The following ACSF2 variants were observed in gnomAD, a reference collection of about 807,000 sequenced individuals.
ACSF2 encodes the protein acyl-CoA synthetase family member 2.
ACSF2 carries 52 observed loss-of-function variants against 79.3 expected under a neutral mutation model. The ratio of observed to expected loss-of-function variants is 0.66; its 90% CI spans 0.53 to 0.83. The LOEUF (loss-of-function observed/expected upper bound fraction) is 0.83. Ranked by LOEUF, ACSF2 falls within the 40% of genes least tolerant of loss-of-function variation. The pLI is 0.00. For synonymous variants in ACSF2, 283 were observed against 312.6 expected, an observed-to-expected ratio of 0.91 and a Z score of 1.00; for missense variants, 661 against 803.3, an observed-to-expected ratio of 0.82 and a Z score of 2.14.
Position 50,474,351 on chromosome 17 carries a change from G to A in ACSF2, c.1797+84G>A, listed in dbSNP as rs1393423816. 6.5e-7 allele frequency: 1 copy of A among 1,548,308 alleles called. No individual in the cohort carries two copies. Among genetic ancestry groups the A allele is most frequent in the Non-Finnish European group, 8.9e-7 (1 of 1,122,644 alleles). On this transcript the variant is annotated intron_variant, in intron 15 of 15. Coordinates refer to ENST00000300441, the MANE Select transcript of ACSF2 (RefSeq NM_025149.6). This position sits in a 1 kb window ranked among gnomAD's most constrained non-coding sequence, Gnocchi z 4.2. Reference sequence around the variant, plus strand: ...CCACCTCTGTTTCCTTCAGCAATGGGTGTGGAGAGACTGGCAGTAGGGTGA... The same window carrying A: ...CCACCTCTGTTTCCTTCAGCAATGGATGTGGAGAGACTGGCAGTAGGGTGA...
At chr17:50,448,165 T>TC (rs372937179) in intron 1 of ACSF2, among the ~76,000 whole-genome samples, 94 of 152,372 alleles carry the variant, frequency 6.2e-4, no homozygotes, top group African/African-American at 2.1e-3. Flanking sequence ...GAGCCTGTGC[T>TC]CCCAGGCTGC....
intron 1 of ACSF2, among the ~76,000 whole-genome samples, chr17:50,443,071 G>T (rs1248364236): frequency 4.6e-5 from 7 of 151,900 alleles, no homozygotes; most frequent in Admixed American, 4.6e-4. Context: ...CACCATGCCC[G>T]GCTAATTTTT....
rs772356429 is a variant in ACSF2, at chr17:50,463,214, C to T, written c.851C>T (p.Ser284Phe). The T allele has an allele frequency of 6.2e-7, 1 of 1,614,126 alleles. No homozygotes were observed. ...TLSHYNIVNN[S>F]NILGERLKLH... Reference sequence around the variant, plus strand: ...TCCCACTACAACATTGTCAACAACTCCAACATTTTAGGAGAGCGCCTGAAA... The same window carrying T: ...TCCCACTACAACATTGTCAACAACTTCAACATTTTAGGAGAGCGCCTGAAA... The change falls in exon 7 of 16, where the codon TCC (serine) becomes TTC (phenylalanine). Residue 284 changes from serine (S) to phenylalanine (F), a missense_variant. Ser to Phe is a radical substitution (Grantham distance 155). Transcript: ENST00000300441. The surrounding 1 kb of genome is among the most constrained non-coding windows in gnomAD (Gnocchi z 4.6).
chr17:50,428,574 C>T (rs1488903017), intron 1 of ACSF2, among the ~76,000 whole-genome samples: 1 of 151,496 alleles, frequency 6.6e-6, no homozygotes, highest in Admixed American at 6.6e-5. Flanking sequence ...CACTTGAGGT[C>T]AGGAGTTAGA....
intron 1 of ACSF2, among the ~76,000 whole-genome samples, chr17:50,454,481 C>G (rs2031871992): frequency 6.6e-6 from 1 of 152,152 alleles, no homozygotes; most frequent in Non-Finnish European, 1.5e-5. Flanking sequence ...CGTCAGGCTC[C>G]TCTCTTGTTG....
At chr17:50,430,094 G>A (rs1378811997) in intron 1 of ACSF2, among the ~76,000 whole-genome samples, 1 of 152,200 alleles carries the variant, frequency 6.6e-6, no homozygotes, top group Non-Finnish European at 1.5e-5. Flanking sequence ...AGAGAGATCA[G>A]TGGCTAAAGC....
rs201338842 is a variant in ACSF2 at position 50,471,069 on chromosome 17, G to A, written c.1257G>A (p.Ala419=). The change falls in exon 11 of 16, where the codon GCG becomes GCA. Residue 419 remains alanine (A), a synonymous_variant. Transcript: ENST00000300441. The surrounding 1 kb of genome is among the most constrained non-coding windows in gnomAD (Gnocchi z 4.1). ...GTTENSPVTF[A]HFPEDTVEQK... ...CAGAGAACAGTCCCGTGACATTCGCGCACTTCCCTGAGGACACTGTGGAGC... is the reference window on the plus strand; with the variant it reads ...CAGAGAACAGTCCCGTGACATTCGCACACTTCCCTGAGGACACTGTGGAGC... 2.7e-5 allele frequency: 43 copies of A among 1,613,962 alleles called. No individual in the cohort carries two copies. Among genetic ancestry groups the A allele is most frequent in the Admixed American group, 1.2e-4 (7 of 60,000 alleles).
chr17:50,435,760 TAAGTCTAGTTTATA>T (rs1230066097), intron 1 of ACSF2, among the ~76,000 whole-genome samples: 1 of 152,032 alleles, frequency 6.6e-6, no homozygotes, highest in Non-Finnish European at 1.5e-5. Flanking sequence ...TCTAATTTAT[TAAGTCTAGTTTATA>T]AAGTCTAGTT....
chr17:50,451,516 G>A (rs563761484), intron 1 of ACSF2, among the ~76,000 whole-genome samples: 1 of 152,236 alleles, frequency 6.6e-6, no homozygotes, highest in Non-Finnish European at 1.5e-5. Flanking sequence ...ATGGCACAAT[G>A]TTGGCTCATT....
In ACSF2 at chr17:50,429,771, G is replaced by A. The variant is rs561776756; in HGVS notation, c.128+3382G>A. On this transcript the variant is annotated intron_variant, in intron 1 of 15. Transcript: ENST00000300441. The stretch of plus-strand genomic sequence containing the variant: ...GAACTCAAGTAATCCACCTGCCTCA[G>A]CCTCCTAAAGTGCTGGGATTACAGG... Among the ~76,000 whole-genome samples the A allele has an allele frequency of 4.6e-5, 7 of 152,116 alleles. No homozygotes were observed. The South Asian group carries it at 1.5e-3, about 32-fold the overall frequency.
intron 6 of ACSF2, 98 bp downstream of exon 6, chr17:50,462,683 G>A: frequency 1.4e-6 from 2 of 1,409,872 alleles, no homozygotes; most frequent in East Asian, 2.4e-5. Context: ...AGGAGAGCAT[G>A]CCTTCTTTAC....
intron 1 of ACSF2, among the ~76,000 whole-genome samples, chr17:50,432,026 A>G (rs1262771873): frequency 6.6e-6 from 1 of 151,940 alleles, no homozygotes; most frequent in Non-Finnish European, 1.5e-5. Flanking sequence ...CAGCCTCCCC[A>G]GTAGCTGGGA....
At chr17:50,469,435 C>A (rs1408388024) in intron 10 of ACSF2, among the ~76,000 whole-genome samples, 2 of 152,206 alleles carry the variant, frequency 1.3e-5, no homozygotes, top group African/African-American at 4.8e-5. Context: ...CCACTTCAGA[C>A]TCGACGCGCC....
chr17:50,426,921 G>A (rs898253426), intron 1 of ACSF2: 2 of 1,535,626 alleles, frequency 1.3e-6, no homozygotes. Context: ...GGGTGGGATG[G>A]AAGCTGGCAG....
At chr17:50,448,097 G>A (rs186211153) in intron 1 of ACSF2, among the ~76,000 whole-genome samples, 7 of 152,280 alleles carry the variant, frequency 4.6e-5, no homozygotes, top group Non-Finnish European at 7.4e-5. Flanking sequence ...TTGTCATTGT[G>A]CAAACATCAT....
intron 1 of ACSF2, among the ~76,000 whole-genome samples, chr17:50,451,047 G>A (rs890706161): frequency 2.0e-5 from 3 of 152,118 alleles, no homozygotes; most frequent in Non-Finnish European, 4.4e-5. Flanking sequence ...ATCCTTCAGA[G>A]TAGCTAGGCC....
intron 1 of ACSF2, among the ~76,000 whole-genome samples, chr17:50,453,031 T>G (rs2031771271): frequency 6.6e-6 from 1 of 152,090 alleles, no homozygotes; most frequent in Non-Finnish European, 1.5e-5. Context: ...GCCCTCTCCT[T>G]TCTCCCAGAT....
At chr17:50,437,156 G>GAAT (rs1458079813) in intron 1 of ACSF2, among the ~76,000 whole-genome samples, 2 of 152,214 alleles carry the variant, frequency 1.3e-5, no homozygotes, top group Admixed American at 1.3e-4. Context: ...TGGACTAGAA[G>GAAT]AATGAGATCA....
chr17:50,461,272 A>G lies in ACSF2; in HGVS notation c.355A>G (p.Ile119Val). 6.2e-7 allele frequency: 1 copy of G among 1,614,160 alleles called. No individual in the cohort carries two copies. The highest frequency in any genetic ancestry group is 8.5e-7 in the Non-Finnish European group (1 of 1,180,010). The change falls in exon 3 of 16, where the codon ATT becomes GTT. Residue 119 changes from isoleucine (I) to valine (V), a missense_variant. Physicochemically the swap from Ile to Val is conservative, Grantham distance 29. Transcript: ENST00000300441. ...VDKAASGLLSIGLCKGDRLGM... is the reference protein window; with the variant it reads ...VDKAASGLLSVGLCKGDRLGM... ...CAAAGCTGCTTCTGGCCTCCTGAGC[A>G]TTGGCCTCTGCAAAGGTGACCGGCT...
Sources: gnomAD v4.1 joint callset for allele counts (sites outside exome capture counted in the v4.1 genomes callset) on GRCh38, gnomAD v4.1.1 for gene constraint, Gnocchi (gnomAD v3.1) non-coding constraint, MANE v1.5 for transcripts, NCBI Gene and HGNC (gene_info 2026-07-23, HGNC 2026-07-21) for gene names.